The following DIRAS2 variants were observed in gnomAD, a reference collection of about 807,000 sequenced individuals.
The protein encoded by DIRAS2 is GTP-binding protein Di-Ras2.
A neutral mutation model predicts 13.9 loss-of-function variants in DIRAS2; 5 were observed. That is an observed-to-expected ratio of 0.36 (90% CI 0.19 to 0.76). DIRAS2 has a LOEUF of 0.76. Ranked by LOEUF, DIRAS2 falls within the 30% of genes least tolerant of loss-of-function variation. The probability of loss-of-function intolerance (pLI) is 0.53; values close to 1 mark genes in which losing one functional copy is unlikely to be tolerated. For synonymous variants in DIRAS2, 111 were observed against 105.4 expected, an observed-to-expected ratio of 1.05 and a Z score of -0.33; for missense variants, 191 against 263.0, an observed-to-expected ratio of 0.73 and a Z score of 1.89.
chr9:90,620,749 A>G (rs916965122), intron 1 of DIRAS2, among the ~76,000 whole-genome samples: 3 of 152,080 alleles, frequency 2.0e-5, no homozygotes, highest in Admixed American at 2.0e-4. Context: ...CTCAAAAAAA[A>G]AAAGAAAGGA....
At chr9:90,628,983 T>C (rs962671080) in intron 1 of DIRAS2, among the ~76,000 whole-genome samples, 9 of 152,048 alleles carry the variant, frequency 5.9e-5, no homozygotes, top group Admixed American at 5.9e-4. Flanking sequence ...GCCTCCTGAG[T>C]AGCTGGGACT....
In DIRAS2 at chr9:90,612,614, T is replaced by G. The variant is rs1825124957; in HGVS notation, c.*614A>C. 6.5e-6 allele frequency: 1 copy of G among 153,912 alleles called. No individual in the cohort carries two copies. The highest frequency in any genetic ancestry group is 1.9e-4 in the East Asian group (1 of 5,212). 9.5% of individuals were successfully genotyped at this position (153,912 alleles called of 1,614,324 possible). A position where few individuals can be genotyped will look rare whatever the true frequency, so the allele number is the denominator to read the frequency against. ...TCTAATAGCTTAAAATGATACTTCC[T>G]AACTAGGTCTAGGTAAGGTGAACAC... is the stretch of plus-strand genomic sequence containing the variant. On this transcript the variant is annotated 3_prime_UTR_variant, in exon 2 of 2. Coordinates refer to ENST00000375765, the MANE Select transcript of DIRAS2 (RefSeq NM_017594.5).
intron 1 of DIRAS2, among the ~76,000 whole-genome samples, chr9:90,619,284 A>G (rs11795336): frequency 0.16 from 24,008 of 151,980 alleles, 1,963 homozygotes; most frequent in South Asian, 0.24. Context: ...TACTGAAAAT[A>G]CAAAAAAAAT....
rs147357334 is a variant in DIRAS2 at position 90,613,654 on chromosome 9, C to T, written c.174G>A (p.Gln58=). The T allele has an allele frequency of 4.8e-5, 78 of 1,614,188 alleles. 2 individuals are homozygous for T. In the African/African-American group the frequency reaches 8.3e-4, roughly 17 times the overall value. Residue 58 remains glutamine, a synonymous_variant, in exon 2 of 2, where the codon CAG becomes CAA. Transcript: ENST00000375765. This position sits in a 1 kb window ranked among gnomAD's most constrained non-coding sequence, Gnocchi z 5.6. ...ISCDKSICTL[Q]ITDTTGSHQF... ...GGTGGCTCCCCGTCGTGTCGGTGAT[C>T]TGCAATGTGCATATGCTCTTGTCAC...
At chr9:90,633,081 C>CA (rs1174023919) in intron 1 of DIRAS2, among the ~76,000 whole-genome samples, 19 of 11,848 alleles carry the variant, frequency 1.6e-3, no homozygotes, top group African/African-American at 0.012. Context: ...CGTGGGTTGC[C>CA]AGGGGAAGCC....
chr9:90,633,299 G>C (rs1825343539), intron 1 of DIRAS2, among the ~76,000 whole-genome samples: 1 of 152,188 alleles, frequency 6.6e-6, no homozygotes, highest in African/African-American at 2.4e-5. Context: ...GGTGGGAAAA[G>C]GGGTTGAGGT....
intron 1 of DIRAS2, among the ~76,000 whole-genome samples, chr9:90,638,426 T>G (rs1302185903): frequency 1.3e-5 from 2 of 152,224 alleles, no homozygotes; most frequent in Non-Finnish European, 2.9e-5. Flanking sequence ...TTGCAAACAT[T>G]TACACAGACC....
intron 1 of DIRAS2, among the ~76,000 whole-genome samples, chr9:90,623,260 G>T (rs1825236297): frequency 6.6e-6 from 1 of 152,070 alleles, no homozygotes; most frequent in Admixed American, 6.6e-5. Context: ...CATCACATTG[G>T]CTGGGAGAGG....
At chr9:90,636,901 C>G (rs1198455654) in intron 1 of DIRAS2, among the ~76,000 whole-genome samples, 1 of 152,168 alleles carries the variant, frequency 6.6e-6, no homozygotes, top group African/African-American at 2.4e-5. Context: ...TACAACTAAC[C>G]TACTGTATAC....
chr9:90,634,682 AAT>A (rs1168253469), intron 1 of DIRAS2, among the ~76,000 whole-genome samples: 5 of 152,244 alleles, frequency 3.3e-5, no homozygotes, highest in South Asian at 2.1e-4. Context: ...CCAGATAAAA[AAT>A]AGAGTCCCAG....
intron 1 of DIRAS2, among the ~76,000 whole-genome samples, chr9:90,627,202 C>T (rs1231955577): frequency 6.6e-6 from 1 of 152,314 alleles, no homozygotes; most frequent in East Asian, 1.9e-4. Context: ...GAGGCCTCCC[C>T]AGAAGCAGAC....
intron 1 of DIRAS2, among the ~76,000 whole-genome samples, chr9:90,628,916 G>T (rs1196811677): frequency 1.3e-5 from 2 of 151,696 alleles, no homozygotes; most frequent in East Asian, 1.9e-4. Context: ...GTGCAGTGGC[G>T]CAATCTCGGC....
chr9:90,629,817 C>T (rs192047977), intron 1 of DIRAS2, among the ~76,000 whole-genome samples: 84 of 152,256 alleles, frequency 5.5e-4, no homozygotes, highest in South Asian at 6.2e-4. Flanking sequence ...ATGTTCAGTA[C>T]GGGCACAACC....
chr9:90,620,135 C>A (rs569906864), intron 1 of DIRAS2, among the ~76,000 whole-genome samples: 71 of 152,168 alleles, frequency 4.7e-4, no homozygotes, highest in Non-Finnish European at 7.2e-4. Context: ...ACCGTAAAAC[C>A]CTGCGAATGT....
chr9:90,626,851 C>A (rs1209690457), intron 1 of DIRAS2, among the ~76,000 whole-genome samples: 3 of 152,158 alleles, frequency 2.0e-5, no homozygotes, highest in Non-Finnish European at 2.9e-5. Flanking sequence ...GTGGAAGCAA[C>A]CCAAATGTCC....
At chr9:90,631,713 T>C (rs1442483597) in intron 1 of DIRAS2, among the ~76,000 whole-genome samples, 1 of 152,144 alleles carries the variant, frequency 6.6e-6, no homozygotes, top group Non-Finnish European at 1.5e-5. Context: ...ATCATTCATA[T>C]ACCTGCACCC....
At chr9:90,633,003 G>A (rs569886104) in intron 1 of DIRAS2, among the ~76,000 whole-genome samples, 15 of 152,256 alleles carry the variant, frequency 9.9e-5, no homozygotes, top group African/African-American at 2.6e-4. Context: ...CCAAGACCAC[G>A]TGCCCCAGGC....
chr9:90,642,110 GC>G (rs1825423868), intron 1 of DIRAS2, among the ~76,000 whole-genome samples: 8 of 152,254 alleles, frequency 5.3e-5, no homozygotes, highest in Admixed American at 5.2e-4. Context: ...CCAGAAGCCA[GC>G]ACTGCTTTTC....
chr9:90,610,357 A>G lies in DIRAS2; in HGVS notation c.*2871T>C. ...ATATTTTATATACATGTAATTTTAG[A>G]TAGAATGAACAATTCAATATTGCTC... is the stretch of plus-strand genomic sequence containing the variant. On this transcript the variant is annotated 3_prime_UTR_variant, in exon 2 of 2. Coordinates refer to ENST00000375765, the MANE Select transcript of DIRAS2 (RefSeq NM_017594.5). 2 of 399,028 alleles carry G rather than the reference A, an allele frequency of 5.0e-6. No individual in the cohort carries two copies. The highest frequency in any genetic ancestry group is 4.4e-5 in the Admixed American group (1 of 22,736). The allele number at this position is 399,028 out of a possible 1,614,324, so 24.7% of individuals were successfully genotyped here.
Sources: gnomAD v4.1 joint callset for allele counts (sites outside exome capture counted in the v4.1 genomes callset) on GRCh38, gnomAD v4.1.1 for gene constraint, Gnocchi (gnomAD v3.1) non-coding constraint, MANE v1.5 for transcripts, NCBI Gene and HGNC (gene_info 2026-07-23, HGNC 2026-07-21) for gene names.